The following SHROOM3 variants were observed in gnomAD, a reference collection of about 807,000 sequenced individuals.
The protein encoded by SHROOM3 is protein Shroom3.
In SHROOM3, 47 loss-of-function variants were observed where a neutral mutation model predicts 138.6. That is an observed-to-expected ratio of 0.34 (90% CI 0.27 to 0.43). The LOEUF is 0.43. Among genes scored for constraint, SHROOM3 ranks in the 20% least tolerant of loss-of-function variants. The probability of loss-of-function intolerance (pLI) is 1.00; values close to 1 mark genes in which losing one functional copy is unlikely to be tolerated. For missense variants in SHROOM3, 2,491 were observed against 2,596.5 expected, an observed-to-expected ratio of 0.96 and a Z score of 0.88; for synonymous variants, 1,062 against 1,063.3, an observed-to-expected ratio of 1.00 and a Z score of 0.02.
intron 2 of SHROOM3, among the ~76,000 whole-genome samples, chr4:76,698,070 G>C (rs993650786): frequency 2.6e-5 from 4 of 152,178 alleles, no homozygotes; most frequent in Admixed American, 6.5e-5. Context: ...TTGGTACCTT[G>C]ATGTCCATGT....
chr4:76,463,678 A>G (rs534897957), intron 1 of SHROOM3, among the ~76,000 whole-genome samples: 4 of 152,228 alleles, frequency 2.6e-5, no homozygotes, highest in Non-Finnish European at 5.9e-5. Context: ...GGCCAGGTCC[A>G]AAGCCCCACT....
chr4:76,621,721 G>A (rs1417948953), intron 2 of SHROOM3, among the ~76,000 whole-genome samples: 1 of 152,000 alleles, frequency 6.6e-6, no homozygotes, highest in East Asian at 1.9e-4. Context: ...TGGAGTAAGT[G>A]TTTATGCTGC....
chr4:76,594,034 C>G (rs1421634548), intron 2 of SHROOM3, among the ~76,000 whole-genome samples: 1 of 152,082 alleles, frequency 6.6e-6, no homozygotes, highest in African/African-American at 2.4e-5. Flanking sequence ...CAGTGATTTG[C>G]AAAAATGCTC....
At chr4:76,604,597 T>C (rs1258236575) in intron 2 of SHROOM3, among the ~76,000 whole-genome samples, 1 of 150,534 alleles carries the variant, frequency 6.6e-6, no homozygotes, top group East Asian at 2.0e-4. Context: ...AATGTTCAAA[T>C]GGTAACCGTC....
chr4:76,488,693 G>A (rs1046617443), intron 1 of SHROOM3, among the ~76,000 whole-genome samples: 30 of 152,248 alleles, frequency 2.0e-4, no homozygotes, highest in African/African-American at 7.2e-4. Flanking sequence ...AAGTGTTCCA[G>A]GAGGCCATAA....
At chr4:76,651,598 A>G (rs1735963720) in intron 2 of SHROOM3, among the ~76,000 whole-genome samples, 1 of 151,922 alleles carries the variant, frequency 6.6e-6, no homozygotes, top group Non-Finnish European at 1.5e-5. Context: ...ATCAATGGCT[A>G]ATGTCTTTAC....
chr4:76,659,658 TG>T (rs1736141880), intron 2 of SHROOM3, among the ~76,000 whole-genome samples: 2 of 152,310 alleles, frequency 1.3e-5, no homozygotes, highest in Middle Eastern at 6.8e-3. Flanking sequence ...CTTGGCTCAC[TG>T]CAACCTCCGC....
chr4:76,629,638 A>G (rs149378250), intron 2 of SHROOM3, among the ~76,000 whole-genome samples: 1 of 152,180 alleles, frequency 6.6e-6, no homozygotes, highest in African/African-American at 2.4e-5. Context: ...GAGATGGGAG[A>G]TGTGGTTGGA....
chr4:76,695,681 G>A (rs1719706100), intron 2 of SHROOM3, among the ~76,000 whole-genome samples: 1 of 152,182 alleles, frequency 6.6e-6, no homozygotes, highest in Non-Finnish European at 1.5e-5. Context: ...AAATAAATAT[G>A]GATCCTAGTA....
chr4:76,751,717 C>G (rs575401238), intron 6 of SHROOM3, among the ~76,000 whole-genome samples: 124 of 152,246 alleles, frequency 8.1e-4, no homozygotes, highest in African/African-American at 2.9e-3. Context: ...TGAAAAGATG[C>G]TCAACACCAC....
At chr4:76,756,393 AT>A in intron 7 of SHROOM3, 55 bp from the exon 8 acceptor site, 3 of 1,444,198 alleles carry the variant, frequency 2.1e-6, no homozygotes, top group Non-Finnish European at 2.8e-6. Flanking sequence ...CCCTTCTCTT[AT>A]CACTCTCTCT....
At chr4:76,547,282 G>A (rs1733241660) in intron 1 of SHROOM3, among the ~76,000 whole-genome samples, 1 of 152,200 alleles carries the variant, frequency 6.6e-6, no homozygotes, top group Non-Finnish European at 1.5e-5. Context: ...GGTTAGTCTT[G>A]AATTCTAATC....
intron 2 of SHROOM3, among the ~76,000 whole-genome samples, chr4:76,647,848 A>T (rs1381720796): frequency 6.6e-6 from 1 of 152,110 alleles, no homozygotes; most frequent in Non-Finnish European, 1.5e-5. Context: ...GTGAGCAGTG[A>T]TCATGTACAA....
At chr4:76,653,870 G>A (rs1028844642) in intron 2 of SHROOM3, among the ~76,000 whole-genome samples, 13 of 152,096 alleles carry the variant, frequency 8.5e-5, no homozygotes, top group Admixed American at 2.0e-4. Flanking sequence ...TGCTCAGCTC[G>A]TTCATTTTAT....
chr4:76,754,288 C>G, intron 6 of SHROOM3, 23 bp from the exon 7 acceptor site: 1 of 1,614,018 alleles, frequency 6.2e-7, no homozygotes, highest in Non-Finnish European at 8.5e-7. Context: ...AGCTGTAACC[C>G]TCCTGTCTGT....
At chr4:76,628,336 T>G (rs1468426554) in intron 2 of SHROOM3, among the ~76,000 whole-genome samples, 2 of 152,206 alleles carry the variant, frequency 1.3e-5, no homozygotes, top group African/African-American at 2.4e-5. Flanking sequence ...GGAAATAGCC[T>G]TAAATTCAAA....
chr4:76,455,962 G>C (rs886946879), intron 1 of SHROOM3, among the ~76,000 whole-genome samples: 3 of 152,040 alleles, frequency 2.0e-5, no homozygotes, highest in African/African-American at 7.2e-5. Flanking sequence ...AAATGGTATA[G>C]TATTTGCATA....
At chr4:76,481,722 A>G (rs747026808) in intron 1 of SHROOM3, among the ~76,000 whole-genome samples, 2 of 152,220 alleles carry the variant, frequency 1.3e-5, no homozygotes, top group Non-Finnish European at 2.9e-5. Context: ...TCAGGCCAAT[A>G]TCCCTGATGG....
intron 10 of SHROOM3, among the ~76,000 whole-genome samples, chr4:76,772,448 T>C (rs1424905627): frequency 6.6e-6 from 1 of 152,178 alleles, no homozygotes; most frequent in Admixed American, 6.5e-5. Context: ...AATTCTCCAA[T>C]AATTTCTCCT....
Sources: gnomAD v4.1 joint callset for allele counts (sites outside exome capture counted in the v4.1 genomes callset) on GRCh38, gnomAD v4.1.1 for gene constraint, MANE v1.5 for transcripts, NCBI Gene and HGNC (gene_info 2026-07-23, HGNC 2026-07-21) for gene names.